Variants in CCDC171 observed in about 807,000 individuals in gnomAD.
CCDC171 encodes coiled-coil domain containing 171, also known as coiled-coil domain-containing protein 171.
Under a neutral mutation model 168.2 loss-of-function variants are expected in CCDC171, and 177 were observed. The observed-to-expected ratio is 1.05, with a 90% CI of 0.93 to 1.19. The LOEUF is 1.19. Among genes scored for constraint, CCDC171 ranks in the 50% most tolerant of loss-of-function variants. The pLI is 0.00. For synonymous variants in CCDC171, 687 were observed against 540.8 expected (o/e 1.27, Z -3.75); for missense variants, 1,991 against 1,539.0 (o/e 1.29, Z -4.91).
At chr9:16,007,422 A>G (rs923286253) in intron 3 of CCDC171, among the ~76,000 whole-genome samples, 4 of 152,060 alleles carry the variant, frequency 2.6e-5, no homozygotes, top group Admixed American at 2.6e-4. Flanking sequence ...GCTGTGCAGA[A>G]GCTCTTTAGT....
chr9:15,627,700 T>C (rs1004109875), intron 7 of CCDC171, among the ~76,000 whole-genome samples: 17 of 152,264 alleles, frequency 1.1e-4, no homozygotes, highest in Non-Finnish European at 8.8e-5. Flanking sequence ...TTATAATTTC[T>C]GTTCTTTTAT....
chr9:15,762,331 A>G (rs916258395), intron 18 of CCDC171, among the ~76,000 whole-genome samples: 3 of 152,164 alleles, frequency 2.0e-5, no homozygotes, highest in Non-Finnish European at 2.9e-5. Flanking sequence ...CAGAAAAAAT[A>G]TGGCAGCTTA....
At chr9:15,677,910 ATATATATATATAT>A (rs1307967738) in intron 9 of CCDC171, among the ~76,000 whole-genome samples, 1 of 26,484 alleles carries the variant, frequency 3.8e-5, no homozygotes, top group African/African-American at 1.8e-4. Flanking sequence ...ATATATATAT[ATATATATATATAT>A]ATAAGAGATG....
chr9:15,666,396 T>C, intron 9 of CCDC171, 73 bp downstream of exon 9: 1 of 1,058,524 alleles, frequency 9.4e-7, no homozygotes, highest in Non-Finnish European at 1.4e-6. Context: ...TATGAATGTA[T>C]ACTATGTATT....
intron 1 of CCDC171, among the ~76,000 whole-genome samples, chr9:16,043,349 T>C (rs1056114849): frequency 6.6e-6 from 1 of 152,202 alleles, no homozygotes; most frequent in African/African-American, 2.4e-5. Context: ...TTATTATGAC[T>C]ATCATTTGTA....
chr9:16,027,947 G>T (rs1833304641), intron 6 of CCDC171, among the ~76,000 whole-genome samples: 1 of 152,164 alleles, frequency 6.6e-6, no homozygotes. Flanking sequence ...TATTATTTCA[G>T]CTGCTTCCTG....
chr9:15,906,409 C>A lies in CCDC171; in HGVS notation c.3601-13861C>A, dbSNP rs566316588. ...AACGTAATCCAGCATATAAAAGAAC[C>A]AACAACAAAATCCATATGATTATCT... On this transcript the variant is annotated intron_variant, in intron 24 of 25. Transcript: ENST00000380701. 4.6e-5 allele frequency among the ~76,000 whole-genome samples: 7 copies of A among 152,198 alleles called. No individual in the cohort carries two copies. In the South Asian group the frequency reaches 1.0e-3, roughly 23 times the overall value.
At chr9:15,570,669 T>C (rs1398293645) in intron 2 of CCDC171, among the ~76,000 whole-genome samples, 1 of 152,224 alleles carries the variant, frequency 6.6e-6, no homozygotes, top group Non-Finnish European at 1.5e-5. Flanking sequence ...TAGGTATTTT[T>C]CACCTGGTTG....
chr9:15,676,130 C>T (rs2133354419), intron 9 of CCDC171, among the ~76,000 whole-genome samples: 1 of 152,262 alleles, frequency 6.6e-6, no homozygotes. Flanking sequence ...ATTTGATCTT[C>T]AGTCACTGAT....
intron 21 of CCDC171, among the ~76,000 whole-genome samples, chr9:15,846,113 ACG>A (rs1344986022): frequency 6.6e-6 from 1 of 152,094 alleles, no homozygotes; most frequent in East Asian, 1.9e-4. Flanking sequence ...GCTATCCTTG[ACG>A]TGAGAGTTAT....
chr9:15,784,379 C>A, intron 20 of CCDC171, 130 bp from the exon 21 acceptor site: 1 of 501,294 alleles, frequency 2.0e-6, no homozygotes, highest in South Asian at 5.2e-5. Context: ...TTAAGAAAAG[C>A]TAATTGTATT....
At chr9:15,587,538 G>C (rs920586002) in intron 4 of CCDC171, 1 of 431,074 alleles carries the variant, frequency 2.3e-6, no homozygotes, top group African/African-American at 2.0e-5. Flanking sequence ...CCAGTCTCAG[G>C]TATGTCTTTA....
At chr9:15,872,034 A>G (rs1405299969) in intron 23 of CCDC171, among the ~76,000 whole-genome samples, 1 of 151,990 alleles carries the variant, frequency 6.6e-6, no homozygotes, top group Admixed American at 6.6e-5. Context: ...AAGTGGAAAA[A>G]ACTCTTAAAA....
intron 25 of CCDC171, among the ~76,000 whole-genome samples, chr9:15,937,311 T>A (rs1827222709): frequency 6.6e-6 from 1 of 152,084 alleles, no homozygotes; most frequent in African/African-American, 2.4e-5. Context: ...AGTTTACTTT[T>A]GGAAGGAAAT....
In CCDC171 at chr9:15,558,413, C is replaced by T. The variant is rs2038989853; in HGVS notation, c.-112+5111C>T. 2.6e-5 allele frequency among the ~76,000 whole-genome samples: 4 copies of T among 152,176 alleles called. No homozygotes were observed. In the South Asian group the frequency reaches 8.3e-4, roughly 32 times the overall value. On this transcript the variant is annotated intron_variant, in intron 1 of 25. Coordinates refer to ENST00000380701, the MANE Select transcript of CCDC171 (RefSeq NM_173550.4). ...GCTATTATTGCCTCAATTTCAGAAC[C>T]TGTTATTGGTCTTTTCAGGGATTCA...
chr9:15,672,098 C>G (rs1016197165), intron 9 of CCDC171, among the ~76,000 whole-genome samples: 4 of 152,176 alleles, frequency 2.6e-5, no homozygotes, highest in Non-Finnish European at 5.9e-5. Flanking sequence ...CTCTGATGAC[C>G]AGTGATCATG....
chr9:15,623,276 A>T lies in CCDC171; in HGVS notation c.685A>T (p.Thr229Ser). 1 of 1,578,214 alleles carries T rather than the reference A, an allele frequency of 6.3e-7. No homozygotes were observed. ...ATGAATTATTTTCCAGGAGCAAGAT[A>T]CTGCTGTGCAAAATATGCATAAGAA... ...ELQFIVQEQD[T>S]AVQNMHKKVE... The change falls in exon 7 of 26, where the codon ACT (threonine) becomes TCT (serine). Residue 229 changes from threonine to serine, a missense_variant. Thr to Ser is a moderately conservative substitution (Grantham distance 58). Transcript: ENST00000380701.
chr9:15,878,738 C>G (rs1818198551), intron 24 of CCDC171, among the ~76,000 whole-genome samples: 1 of 152,170 alleles, frequency 6.6e-6, no homozygotes, highest in African/African-American at 2.4e-5. Context: ...AAATGTCCAT[C>G]CATGGTAGAA....
intron 18 of CCDC171, among the ~76,000 whole-genome samples, chr9:15,754,011 A>G (rs548837947): frequency 1.3e-5 from 2 of 152,142 alleles, no homozygotes; most frequent in Non-Finnish European, 2.9e-5. Context: ...TTCCAGGGTC[A>G]TGTGTTTTCA....
Sources: gnomAD v4.1 joint callset for allele counts (sites outside exome capture counted in the v4.1 genomes callset) on GRCh38, gnomAD v4.1.1 for gene constraint, MANE v1.5 for transcripts, NCBI Gene and HGNC (gene_info 2026-07-23, HGNC 2026-07-21) for gene names.